Variants in LSM7 observed in about 807,000 individuals in gnomAD.
LSM7 encodes U6 snRNA-associated Sm-like protein LSm7.
In LSM7, 13 loss-of-function variants were observed where a neutral mutation model predicts 14.1. That is an observed-to-expected ratio of 0.92 (90% confidence interval 0.60 to 1.47). LSM7 has a LOEUF of 1.47. Among genes scored for constraint, LSM7 ranks in the 40% most tolerant of loss-of-function variants. The pLI, the probability that LSM7 is intolerant of heterozygous loss-of-function variation, is 0.00. For missense variants in LSM7, 108 were observed against 140.8 expected (o/e 0.77, Z 1.18); for synonymous variants, 70 against 57.1 (o/e 1.23, Z -1.02).
chr19:2,323,544 A>T (rs935894814), intron 3 of LSM7, among the ~76,000 whole-genome samples: 2 of 152,058 alleles, frequency 1.3e-5, no homozygotes, highest in Non-Finnish European at 2.9e-5. Context: ...TCCGCCTCCC[A>T]GGTTCAAGCG....
rs991984846 is a variant in LSM7, at chr19:2,321,888, C to G, written c.170-66G>C. 1.3e-5 allele frequency: 17 copies of G among 1,331,632 alleles called. No homozygotes were observed. Among genetic ancestry groups the G allele is most frequent in the Non-Finnish European group, 6.8e-6 (7 of 1,032,482 alleles). The allele number at this position is 1,331,632 out of a possible 1,614,324, so 82.5% of individuals were successfully genotyped here. A position where few individuals can be genotyped will look rare whatever the true frequency, so the allele number is the denominator to read the frequency against. On this transcript the variant is annotated intron_variant, in intron 3 of 3. Coordinates refer to ENST00000252622, the MANE Select transcript of LSM7 (RefSeq NM_016199.3). The surrounding 1 kb of genome is among the most constrained non-coding windows in gnomAD (Gnocchi z 5.0). ...AAGCCTCCGAGACCCCCCACCCACC[C>G]AAGACCCTCGCTCCGACCTCCCCAC...
chr19:2,324,617 A>G, intron 2 of LSM7: 1 of 173,576 alleles, frequency 5.8e-6, no homozygotes, highest in East Asian at 1.5e-4. Flanking sequence ...AAAAGTCATA[A>G]AAACAATTCT....
chr19:2,322,586 T>C (rs1030172079), intron 3 of LSM7, among the ~76,000 whole-genome samples: 5 of 152,094 alleles, frequency 3.3e-5, no homozygotes, highest in South Asian at 2.1e-4. Flanking sequence ...GTGGGGACCA[T>C]GTGGGCTGGC....
At chr19:2,325,382 C>T (rs531470671) in intron 2 of LSM7, among the ~76,000 whole-genome samples, 64 of 150,444 alleles carry the variant, frequency 4.3e-4, no homozygotes, top group African/African-American at 1.1e-3. Flanking sequence ...CACTGAGGGG[C>T]GTCCCGCAGC....
At chr19:2,325,593 A>G (rs1968002249) in intron 2 of LSM7, among the ~76,000 whole-genome samples, 1 of 152,184 alleles carries the variant, frequency 6.6e-6, no homozygotes, top group South Asian at 2.1e-4. Context: ...GTCTCCTCCC[A>G]AGGCAGGGCC....
chr19:2,321,768 AC>A lies in LSM7; in HGVS notation c.223del (p.Val75CysfsTer9). 1 of 1,558,950 alleles carries A rather than the reference AC, an allele frequency of 6.4e-7. No homozygotes were observed. Among genetic ancestry groups the A allele is most frequent in the Admixed American group, 1.9e-5 (1 of 52,370 alleles). ...TAGCACCACGGACGTGCCCCGGCACACCACGAGGCCCAGCTGCCGGGTGTCC... is the reference window on the plus strand; with the variant it reads ...TAGCACCACGGACGTGCCCCGGCACACACGAGGCCCAGCTGCCGGGTGTCC... Reference protein sequence around the residue: ...TEDTRQLGLVVCRGTSVVLIC... With the variant: ...TEDTRQLGLVXCRGTSVVLIC... On this transcript the variant is annotated frameshift_variant, in exon 4 of 4. Coordinates refer to ENST00000252622, the MANE Select transcript of LSM7 (RefSeq NM_016199.3). LOFTEE classifies it high-confidence loss of function. This position sits in a 1 kb window ranked among gnomAD's most constrained non-coding sequence, Gnocchi z 5.0.
chr19:2,322,355 T>C lies in LSM7; in HGVS notation c.170-533A>G, dbSNP rs1222763318. On this transcript the variant is annotated intron_variant, in intron 3 of 3. Transcript: ENST00000252622. The stretch of plus-strand genomic sequence containing the variant: ...GAGATCGAGACCATCCTGGCTAACT[T>C]GGTGAAACCCCGTCTCTACTAAAAA... Among the ~76,000 whole-genome samples the C allele has an allele frequency of 8.6e-5, 13 of 151,956 alleles. No individual in the cohort carries two copies. In the South Asian group the frequency reaches 1.7e-3, roughly 19 times the overall value.
At chr19:2,327,218 G>A (rs112295383) in intron 2 of LSM7, among the ~76,000 whole-genome samples, 42 of 152,312 alleles carry the variant, frequency 2.8e-4, no homozygotes, top group African/African-American at 9.9e-4. Flanking sequence ...TTCCATGTCC[G>A]GAGTCAGCAT....
intron 2 of LSM7, among the ~76,000 whole-genome samples, chr19:2,325,698 G>T (rs1968004032): frequency 6.6e-6 from 1 of 152,192 alleles, no homozygotes; most frequent in Non-Finnish European, 1.5e-5. Context: ...AGGTGAACCT[G>T]CCCGCCGCTC....
At chr19:2,328,222 A>C in intron 2 of LSM7, 165 bp downstream of exon 2, 2 of 617,350 alleles carry the variant, frequency 3.2e-6, no homozygotes, top group South Asian at 4.3e-5. Context: ...GTGAGCTGAG[A>C]TCGCACCACT....
chr19:2,323,946 A>G (rs1365629394), intron 3 of LSM7, among the ~76,000 whole-genome samples, 179 bp downstream of exon 3: 1 of 152,188 alleles, frequency 6.6e-6, no homozygotes, highest in East Asian at 1.9e-4. Context: ...AAGCCCGTCC[A>G]TCGGCCGCCA....
intron 2 of LSM7, chr19:2,324,734 G>A (rs537158542): frequency 7.0e-4 from 111 of 157,858 alleles, no homozygotes; most frequent in Non-Finnish European, 1.4e-3. Flanking sequence ...ATGCGCCTGA[G>A]GACGCACCTG....
intron 2 of LSM7, chr19:2,324,564 C>G (rs906931604): frequency 5.1e-5 from 13 of 256,830 alleles, no homozygotes; most frequent in Non-Finnish European, 2.3e-5. Flanking sequence ...ATGTAATTTC[C>G]ACATCGTGAG....
At position 2,321,804 on chromosome 19, in the gene LSM7, T is replaced by C; in HGVS notation, c.188A>G (p.Lys63Arg). 4 of 1,518,624 alleles carry C rather than the reference T, an allele frequency of 2.6e-6. No homozygotes were observed. The highest frequency in any genetic ancestry group is 1.3e-5 in the South Asian group (1 of 78,852). 94.1% of individuals were successfully genotyped at this position (1,518,624 alleles called of 1,614,324 possible). Residue 63 changes from lysine to arginine, a missense_variant, in exon 4 of 4, where the codon AAG becomes AGG. Lys to Arg is a conservative substitution (Grantham distance 26). Coordinates refer to ENST00000252622, the MANE Select transcript of LSM7 (RefSeq NM_016199.3). This position sits in a 1 kb window ranked among gnomAD's most constrained non-coding sequence, Gnocchi z 5.0. ...CAGCTGCCGGGTGTCCTCCGTGAGC[T>C]TGTACTGGTCGTCAGGGTCTGGGGA... is the stretch of plus-strand genomic sequence containing the variant. ...EYMRDPDDQY[K>R]LTEDTRQLGL...
chr19:2,326,576 T>G (rs1039222972), intron 2 of LSM7, among the ~76,000 whole-genome samples: 8 of 152,224 alleles, frequency 5.3e-5, no homozygotes, highest in African/African-American at 1.9e-4. Context: ...ACTCAAGTGA[T>G]CTGCCCGCCT....
In LSM7 at chr19:2,324,131, T is replaced by C. The variant is rs1271069392; in HGVS notation, c.163A>G (p.Met55Val). 2 of 1,517,292 alleles carry C rather than the reference T, an allele frequency of 1.3e-6. No individual in the cohort carries two copies. Among genetic ancestry groups the C allele is most frequent in the Non-Finnish European group, 1.8e-6 (2 of 1,126,706 alleles). The allele number at this position is 1,517,292 out of a possible 1,614,324, so 94.0% of individuals were successfully genotyped here. Residue 55 changes from methionine (M) to valine (V), a missense_variant, in exon 3 of 4, where the codon ATG (methionine) becomes GTG (valine). Met to Val is a conservative substitution (Grantham distance 21). Coordinates refer to ENST00000252622, the MANE Select transcript of LSM7 (RefSeq NM_016199.3). ...CGGCCGCCACCCCACTCACCTCGCA[T>C]GTACTCAATGGTGCCGTCCAGCACA... Reference protein sequence around the residue: ...NLVLDGTIEYMRDPDDQYKLT... With the variant: ...NLVLDGTIEYVRDPDDQYKLT...
chr19:2,323,520 G>A (rs562015256), intron 3 of LSM7, among the ~76,000 whole-genome samples: 7 of 152,186 alleles, frequency 4.6e-5, no homozygotes, highest in South Asian at 2.1e-4. Context: ...GCACCATCTC[G>A]GCTCACTGCA....
At chr19:2,322,489 C>T (rs1040320690) in intron 3 of LSM7, among the ~76,000 whole-genome samples, 18 of 152,058 alleles carry the variant, frequency 1.2e-4, no homozygotes, top group Admixed American at 3.9e-4. Context: ...TGCAGTGAGC[C>T]GAGATCGCGC....
At chr19:2,322,490 G>C (rs1057417331) in intron 3 of LSM7, among the ~76,000 whole-genome samples, 11 of 152,138 alleles carry the variant, frequency 7.2e-5, no homozygotes, top group African/African-American at 2.7e-4. Context: ...GCAGTGAGCC[G>C]AGATCGCGCC....
Sources: gnomAD v4.1 joint callset for allele counts (sites outside exome capture counted in the v4.1 genomes callset) on GRCh38, gnomAD v4.1.1 for gene constraint, Gnocchi (gnomAD v3.1) non-coding constraint, MANE v1.5 for transcripts, NCBI Gene and HGNC (gene_info 2026-07-23, HGNC 2026-07-21) for gene names.